Variants in SMPD4 observed in about 807,000 individuals in gnomAD.
SMPD4 encodes the protein sphingomyelin phosphodiesterase 4.
A neutral mutation model predicts 97.8 loss-of-function variants in SMPD4; 58 were observed. The observed-to-expected ratio is 0.59, with a 90% CI of 0.48 to 0.74. The LOEUF is 0.74. Ranked by LOEUF, SMPD4 falls within the 30% of genes least tolerant of loss-of-function variation. SMPD4 has a pLI of 0.00. For missense variants in SMPD4, 853 were observed against 1,080.5 expected (o/e 0.79, Z 2.95); for synonymous variants, 388 against 450.0 (o/e 0.86, Z 1.74).
chr2:130,181,262 C>T lies in SMPD4; in HGVS notation c.-46+268G>A, dbSNP rs572868655. Reference sequence around the variant, plus strand: ...CACAAAGCTCTCCTTCCCTCAATTCCTTCAACGAAGGTTAACCTTCAGCGA... The same window carrying T: ...CACAAAGCTCTCCTTCCCTCAATTCTTTCAACGAAGGTTAACCTTCAGCGA... On this transcript the variant is annotated intron_variant, in intron 1 of 19. Transcript: ENST00000680298. 14 of 1,363,960 alleles carry T rather than the reference C, an allele frequency of 1.0e-5. No homozygotes were observed. In the East Asian group the frequency reaches 3.1e-4, roughly 30 times the overall value. 84.5% of individuals were successfully genotyped at this position (1,363,960 alleles called of 1,614,324 possible).
At chr2:130,181,733 G>A (rs1346274890), upstream of SMPD4, 2 of 1,548,870 alleles carry the variant, frequency 1.3e-6, no homozygotes, top group Admixed American at 3.9e-5. Flanking sequence ...CGAGGCAGGA[G>A]TGCGGGGGAG....
intron 10 of SMPD4, among the ~76,000 whole-genome samples, chr2:130,161,828 A>G (rs773062792): frequency 5.3e-5 from 8 of 152,234 alleles, no homozygotes; most frequent in Non-Finnish European, 7.3e-5. Flanking sequence ...CTCTGCCCAG[A>G]AAACACATGT....
chr2:130,158,386 C>T (rs1480210856), intron 11 of SMPD4: 6 of 412,490 alleles, frequency 1.5e-5, no homozygotes, highest in South Asian at 7.0e-5. Context: ...GGCGCAATCT[C>T]GGCTCACTGC....
At chr2:130,166,214 C>T (rs570446310) in intron 9 of SMPD4, among the ~76,000 whole-genome samples, 4 of 141,762 alleles carry the variant, frequency 2.8e-5, no homozygotes, top group Admixed American at 1.5e-4. Context: ...GGGGCTGAGG[C>T]GGGAGAATCA....
In SMPD4 at chr2:130,154,594, G is replaced by A. The variant is rs563189705; in HGVS notation, c.1454-112C>T. On this transcript the variant is annotated intron_variant, in intron 15 of 19. Coordinates refer to ENST00000680298, the MANE Select transcript of SMPD4 (RefSeq NM_017951.5). Reference sequence around the variant, plus strand: ...GTGTCTGGGGAGCCATGACCCAGGGGTGTCCTCCTGAGGCCCTGCCTGGCA... The same window carrying A: ...GTGTCTGGGGAGCCATGACCCAGGGATGTCCTCCTGAGGCCCTGCCTGGCA... 3.4e-6 allele frequency: 5 copies of A among 1,457,898 alleles called. No individual in the cohort carries two copies. The Admixed American group carries it at 5.9e-5, about 17-fold the overall frequency. The allele number at this position is 1,457,898 out of a possible 1,614,324, so 90.3% of individuals were successfully genotyped here.
At position 130,152,261 on chromosome 2, in the gene SMPD4, C is replaced by G; in HGVS notation, c.*294G>C. 1 of 330,270 alleles carries G rather than the reference C, an allele frequency of 3.0e-6. No homozygotes were observed. The highest frequency in any genetic ancestry group is 5.6e-6 in the Non-Finnish European group (1 of 180,082). The allele number at this position is 330,270 out of a possible 1,614,324, so 20.5% of individuals were successfully genotyped here. On this transcript the variant is annotated 3_prime_UTR_variant, in exon 20 of 20. Transcript: ENST00000680298. Reference sequence around the variant, plus strand: ...CAAATGGGCAGTGGAAAAAAGGCCCCGAGAGCTGGCTTGGCCGTGAGTCCT... The same window carrying G: ...CAAATGGGCAGTGGAAAAAAGGCCCGGAGAGCTGGCTTGGCCGTGAGTCCT...
At chr2:130,174,651 A>G (rs1300927732) in intron 3 of SMPD4, among the ~76,000 whole-genome samples, 1 of 152,190 alleles carries the variant, frequency 6.6e-6, no homozygotes, top group East Asian at 1.9e-4. Context: ...CACACTCCCC[A>G]TCTACCTCCA....
intron 1 of SMPD4, among the ~76,000 whole-genome samples, chr2:130,180,656 T>C (rs1353952599): frequency 6.6e-6 from 1 of 152,222 alleles, no homozygotes; most frequent in Admixed American, 6.5e-5. Context: ...GCTGCACTAC[T>C]ACAAAATGAT....
At chr2:130,159,701 C>T (rs925651652) in intron 11 of SMPD4, 1 of 152,114 alleles carries the variant, frequency 6.6e-6, no homozygotes, top group African/African-American at 2.4e-5. Flanking sequence ...CCTATACTGC[C>T]CAACTAGAAG....
chr2:130,181,308 G>C (rs539883670), intron 1 of SMPD4: 5 of 1,422,262 alleles, frequency 3.5e-6, no homozygotes, highest in South Asian at 3.1e-5. Flanking sequence ...GACCGGGACA[G>C]AGTGTACGAG....
At chr2:130,168,990 G>A (rs1233893728) in intron 8 of SMPD4, among the ~76,000 whole-genome samples, 1 of 152,130 alleles carries the variant, frequency 6.6e-6, no homozygotes, top group Non-Finnish European at 1.5e-5. Context: ...CAAAGTCCTG[G>A]AATTACAGGC....
intron 9 of SMPD4, among the ~76,000 whole-genome samples, chr2:130,164,888 C>T (rs763466274): frequency 2.6e-5 from 4 of 151,914 alleles, no homozygotes; most frequent in Non-Finnish European, 5.9e-5. Context: ...GGTGGGATTA[C>T]CTGAGGCCAG....
intron 10 of SMPD4, among the ~76,000 whole-genome samples, chr2:130,161,568 G>A (rs1687425088): frequency 6.6e-6 from 1 of 152,192 alleles, no homozygotes; most frequent in South Asian, 2.1e-4. Context: ...GGGGCCTCCA[G>A]GTCACCTGGG....
At chr2:130,161,370 G>A in intron 10 of SMPD4, 98 bp from the exon 11 acceptor site, 3 of 904,080 alleles carry the variant, frequency 3.3e-6, no homozygotes, top group Non-Finnish European at 5.5e-6. Context: ...CACGGGAGGG[G>A]GAAGCGGAGA....
At chr2:130,169,186 C>G (rs1479742953) in intron 8 of SMPD4, among the ~76,000 whole-genome samples, 3 of 151,848 alleles carry the variant, frequency 2.0e-5, no homozygotes, top group African/African-American at 7.2e-5. Flanking sequence ...GCAAATACCA[C>G]ACAGCCTAAG....
chr2:130,167,622 C>A, intron 8 of SMPD4, 32 bp from the exon 9 acceptor site: 1 of 1,568,488 alleles, frequency 6.4e-7, no homozygotes, highest in Non-Finnish European at 8.7e-7. Flanking sequence ...GCCCGAGTTA[C>A]AGGCTCCCGC....
At position 130,153,440 on chromosome 2, in the gene SMPD4, G is replaced by A. The variant is rs747953273; in HGVS notation, c.1904C>T (p.Ala635Val). 66 of 1,613,812 alleles carry A rather than the reference G, an allele frequency of 4.1e-5. No homozygotes were observed. Among genetic ancestry groups the A allele is most frequent in the East Asian group, 3.6e-4 (16 of 44,884 alleles). ...GGCGAGTGTGAACTGCCTGAGCTGC[G>A]CTTCGCTGAGCTGCCAGAGAGAAAT... is the stretch of plus-strand genomic sequence containing the variant. Reference protein sequence around the residue: ...YLRQIFRLSEAQLRQFTLALG... With the variant: ...YLRQIFRLSEVQLRQFTLALG... Residue 635 changes from alanine to valine, a missense_variant, in exon 18 of 20, where the codon GCG (alanine) becomes GTG (valine). By Grantham distance (64) the Ala-to-Val change is moderately conservative (BLOSUM62 0). Coordinates refer to ENST00000680298, the MANE Select transcript of SMPD4 (RefSeq NM_017951.5).
chr2:130,174,393 A>G (rs1159858646), intron 3 of SMPD4, among the ~76,000 whole-genome samples: 1 of 152,254 alleles, frequency 6.6e-6, no homozygotes, highest in Non-Finnish European at 1.5e-5. Context: ...CATCCTTTCC[A>G]GAGTGAAGCC....
intron 3 of SMPD4, 34 bp from the exon 4 acceptor site, chr2:130,173,690 C>T: frequency 1.2e-6 from 2 of 1,613,032 alleles, no homozygotes; most frequent in Non-Finnish European, 8.5e-7. Context: ...GCGTGCAGGA[C>T]CAGCACCCAC....
Sources: gnomAD v4.1 joint callset for allele counts (sites outside exome capture counted in the v4.1 genomes callset) on GRCh38, gnomAD v4.1.1 for gene constraint, MANE v1.5 for transcripts, NCBI Gene and HGNC (gene_info 2026-07-23, HGNC 2026-07-21) for gene names.